Variants in SGCD observed in about 807,000 individuals in gnomAD.
SGCD encodes the protein sarcoglycan delta.
SGCD carries 18 observed loss-of-function variants against 36.6 expected under a neutral mutation model. That is an observed-to-expected ratio of 0.49 (90% CI 0.34 to 0.73). The LOEUF (loss-of-function observed/expected upper bound fraction) is 0.73. Among genes scored for constraint, SGCD ranks in the 30% least tolerant of loss-of-function variants. The pLI is 0.01. For missense variants in SGCD, 387 were observed against 346.7 expected, an observed-to-expected ratio of 1.12 and a Z score of -0.92; for synonymous variants, 133 against 130.6, an observed-to-expected ratio of 1.02 and a Z score of -0.12.
At chr5:156,557,649 A>T (rs1279030751) in intron 4 of SGCD, among the ~76,000 whole-genome samples, 1 of 152,184 alleles carries the variant, frequency 6.6e-6, no homozygotes, top group Non-Finnish European at 1.5e-5. Context: ...ATTTACTTTC[A>T]CTAAATCTGT....
At chr5:156,452,724 T>C (rs1218695846) in intron 3 of SGCD, among the ~76,000 whole-genome samples, 1 of 152,164 alleles carries the variant, frequency 6.6e-6, no homozygotes, top group Non-Finnish European at 1.5e-5. Context: ...GCCATAAAGC[T>C]AAGATTCCAC....
chr5:156,058,260 A>T (rs1760109556), intron 1 of SGCD, among the ~76,000 whole-genome samples: 1 of 146,578 alleles, frequency 6.8e-6, no homozygotes, highest in African/African-American at 2.5e-5. Flanking sequence ...GGATTAAATT[A>T]GTAACATTCA....
intron 3 of SGCD, among the ~76,000 whole-genome samples, chr5:156,258,028 A>G (rs561501870): frequency 1.6e-4 from 24 of 152,210 alleles, no homozygotes; most frequent in Admixed American, 1.3e-4. Flanking sequence ...TTTTTCATGG[A>G]GTACAACTTT....
intron 1 of SGCD, among the ~76,000 whole-genome samples, chr5:155,885,646 T>C (rs1320589767): frequency 6.6e-6 from 1 of 152,240 alleles, no homozygotes; most frequent in African/African-American, 2.4e-5. Flanking sequence ...ATATGTGTTA[T>C]TCTCACAGTA....
intron 6 of SGCD, among the ~76,000 whole-genome samples, chr5:156,609,535 C>T (rs1761672069): frequency 1.3e-5 from 2 of 152,060 alleles, no homozygotes; most frequent in Admixed American, 6.6e-5. Flanking sequence ...GGAGTTGCTC[C>T]TCTCGAGGAG....
intron 1 of SGCD, among the ~76,000 whole-genome samples, chr5:156,045,235 G>T (rs1759734852): frequency 6.6e-6 from 1 of 152,072 alleles, no homozygotes; most frequent in African/African-American, 2.4e-5. Flanking sequence ...CAACAGCAAT[G>T]AACTTTCAAC....
intron 3 of SGCD, among the ~76,000 whole-genome samples, chr5:156,375,150 C>T (rs75440809): frequency 0.035 from 5,271 of 152,098 alleles, 294 homozygotes; most frequent in African/African-American, 0.12. Flanking sequence ...CTCTGTCAAC[C>T]TCTCTCTTTC....
intron 7 of SGCD, among the ~76,000 whole-genome samples, chr5:156,681,485 C>G (rs184201905): frequency 3.9e-5 from 6 of 152,138 alleles, no homozygotes; most frequent in Admixed American, 3.9e-4. Flanking sequence ...AGGCCAAAAG[C>G]AGTATTTGGA....
At chr5:156,213,286 GA>G (rs1474805317) in intron 3 of SGCD, among the ~76,000 whole-genome samples, 1 of 151,872 alleles carries the variant, frequency 6.6e-6, no homozygotes, top group African/African-American at 2.4e-5. Flanking sequence ...TATAGGAAAT[GA>G]AAAAGAAGAC....
intron 1 of SGCD, among the ~76,000 whole-genome samples, chr5:155,899,420 A>G (rs1292115300): frequency 6.6e-6 from 1 of 152,214 alleles, no homozygotes; most frequent in African/African-American, 2.4e-5. Flanking sequence ...CTAACATGAA[A>G]GAGCATTGTT....
chr5:156,441,929 T>C (rs1181192441), intron 3 of SGCD, among the ~76,000 whole-genome samples: 1 of 152,170 alleles, frequency 6.6e-6, no homozygotes, highest in African/African-American at 2.4e-5. Context: ...GACTGTGCAC[T>C]CACTGTCATC....
At chr5:156,721,489 G>A (rs1010130464) in intron 7 of SGCD, among the ~76,000 whole-genome samples, 2 of 152,166 alleles carry the variant, frequency 1.3e-5, no homozygotes, top group African/African-American at 4.8e-5. Context: ...GCACTGGACC[G>A]TTCAGTTTTT....
At chr5:156,201,611 G>A (rs902422153) in intron 3 of SGCD, among the ~76,000 whole-genome samples, 2 of 152,064 alleles carry the variant, frequency 1.3e-5, no homozygotes, top group African/African-American at 4.8e-5. Flanking sequence ...CAGTCTAGGA[G>A]GTAAAGCAAT....
chr5:156,421,525 T>C (rs2127778056), intron 3 of SGCD, among the ~76,000 whole-genome samples: 1 of 152,180 alleles, frequency 6.6e-6, no homozygotes, highest in East Asian at 1.9e-4. Flanking sequence ...CCACACATGA[T>C]CTTATGGTCT....
intron 1 of SGCD, among the ~76,000 whole-genome samples, chr5:155,911,715 C>T (rs1157116514): frequency 6.6e-6 from 1 of 152,084 alleles, no homozygotes; most frequent in Non-Finnish European, 1.5e-5. Flanking sequence ...ACACCAAATG[C>T]TACAAAAGTG....
At chr5:156,410,243 A>G (rs1029214028) in intron 3 of SGCD, among the ~76,000 whole-genome samples, 3 of 152,232 alleles carry the variant, frequency 2.0e-5, no homozygotes, top group Admixed American at 6.5e-5. Context: ...TCACAGCAGC[A>G]TGGATGCAGT....
At chr5:156,346,996 A>G (rs1176584489) in intron 3 of SGCD, among the ~76,000 whole-genome samples, 1 of 151,836 alleles carries the variant, frequency 6.6e-6, no homozygotes, top group Non-Finnish European at 1.5e-5. Flanking sequence ...ATGGGGTTTC[A>G]CTGTGTTAGC....
intron 1 of SGCD, among the ~76,000 whole-genome samples, chr5:155,952,789 T>A (rs1300160801): frequency 2.6e-5 from 4 of 152,220 alleles, no homozygotes; most frequent in Non-Finnish European, 4.4e-5. Flanking sequence ...GTCATTTGCA[T>A]TTTTTGCCTT....
chr5:155,774,009 T>A, the SGCD span, among the ~76,000 whole-genome samples: 2 of 152,140 alleles, frequency 1.3e-5, no homozygotes, highest in African/African-American at 4.8e-5. Context: ...TCTAGAATGC[T>A]TGATAAAAGT....
Sources: gnomAD v4.1 joint callset for allele counts (sites outside exome capture counted in the v4.1 genomes callset) on GRCh38, gnomAD v4.1.1 for gene constraint, MANE v1.5 for transcripts, NCBI Gene and HGNC (gene_info 2026-07-23, HGNC 2026-07-21) for gene names.